The following ZNF536 variants were observed in gnomAD, a reference collection of about 807,000 sequenced individuals.
The protein encoded by ZNF536 is zinc finger protein 536.
In ZNF536, 13 loss-of-function variants were observed where a neutral mutation model predicts 84.5. That is an observed-to-expected ratio of 0.15 (90% CI 0.10 to 0.24). The LOEUF (loss-of-function observed/expected upper bound fraction) is 0.24. Among genes scored for constraint, ZNF536 ranks in the 10% least tolerant of loss-of-function variants. ZNF536 has a pLI of 1.00. For missense variants in ZNF536, 1,536 were observed against 1,747.5 expected, an observed-to-expected ratio of 0.88 and a Z score of 2.16; for synonymous variants, 811 against 742.5, an observed-to-expected ratio of 1.09 and a Z score of -1.50.
intron 2 of ZNF536, among the ~76,000 whole-genome samples, chr19:30,516,924 G>A (rs2145632897): frequency 6.6e-6 from 1 of 152,282 alleles, no homozygotes; most frequent in African/African-American, 2.4e-5. Context: ...GGGAAGGCCA[G>A]GTGTGGTGAC....
At chr19:30,349,999 GT>G (rs892178993) in intron 2 of ZNF536, among the ~76,000 whole-genome samples, 233 of 147,894 alleles carry the variant, frequency 1.6e-3, no homozygotes, top group African/African-American at 4.6e-3. Context: ...TCCGAAAGTT[GT>G]TTTTTTTTTC....
chr19:30,357,592 G>T (rs150224918), intron 3 of ZNF536, among the ~76,000 whole-genome samples: 2 of 152,300 alleles, frequency 1.3e-5, no homozygotes, highest in Non-Finnish European at 2.9e-5. Flanking sequence ...GGATGAGCTG[G>T]TGATTTGTCC....
chr19:30,515,801 A>G (rs1401288540), intron 2 of ZNF536, among the ~76,000 whole-genome samples: 12 of 152,060 alleles, frequency 7.9e-5, no homozygotes. Context: ...CAAGGTGCAC[A>G]GATCACCCGA....
intron 1 of ZNF536, among the ~76,000 whole-genome samples, chr19:30,413,244 C>A (rs559614740): frequency 3.0e-4 from 46 of 152,122 alleles, no homozygotes; most frequent in South Asian, 1.2e-3. Flanking sequence ...TTTTATGAAT[C>A]CCTTCTTACT....
chr19:30,629,828 A>T (rs1339884035), intron 1 of ZNF536, among the ~76,000 whole-genome samples: 3 of 152,232 alleles, frequency 2.0e-5, no homozygotes, highest in African/African-American at 7.2e-5. Flanking sequence ...GGAAATGCCA[A>T]GGGCAGGGGC....
chr19:30,668,324 G>T (rs2050411854), intron 1 of ZNF536, among the ~76,000 whole-genome samples: 1 of 152,114 alleles, frequency 6.6e-6, no homozygotes, highest in African/African-American at 2.4e-5. Flanking sequence ...GCTAGGACAG[G>T]TCCTGCATCC....
At chr19:30,571,341 G>A (rs1425200949) in intron 1 of ZNF536, among the ~76,000 whole-genome samples, 4 of 152,024 alleles carry the variant, frequency 2.6e-5, no homozygotes, top group Non-Finnish European at 5.9e-5. Context: ...AGGTCTGCTC[G>A]GGACTTCAGT....
exon 2 of ZNF536, chr19:30,711,741 C>T (rs760346346): frequency 6.6e-6 from 1 of 151,592 alleles, no homozygotes; most frequent in African/African-American, 2.4e-5. Context: ...AAATTGTTCT[C>T]GGTAGCCTTT....
chr19:30,508,646 G>C (rs899714315), intron 2 of ZNF536, among the ~76,000 whole-genome samples: 3 of 151,898 alleles, frequency 2.0e-5, no homozygotes, highest in Non-Finnish European at 2.9e-5. Context: ...AGAGCACCTA[G>C]GTGCCCTAGA....
exon 3 of ZNF536, chr19:30,352,372 C>A (rs1185122339): frequency 6.6e-6 from 1 of 152,228 alleles, no homozygotes; most frequent in African/African-American, 2.4e-5. Context: ...TGATAGGGAA[C>A]GGGGACGCCC....
At chr19:30,304,554 G>C (rs1356723946) in intron 2 of ZNF536, among the ~76,000 whole-genome samples, 1 of 152,160 alleles carries the variant, frequency 6.6e-6, no homozygotes, top group South Asian at 2.1e-4. Context: ...CCTCTGCGGG[G>C]GCCAACCACT....
intron 1 of ZNF536, among the ~76,000 whole-genome samples, chr19:30,585,038 A>C (rs1599884922): frequency 6.6e-6 from 1 of 151,000 alleles, no homozygotes; most frequent in Non-Finnish European, 1.5e-5. Flanking sequence ...CAAGTGTCTC[A>C]CTCTGTTGCC....
At chr19:30,400,632 G>A (rs1288018463) in intron 1 of ZNF536, among the ~76,000 whole-genome samples, 1 of 152,144 alleles carries the variant, frequency 6.6e-6, no homozygotes, top group Non-Finnish European at 1.5e-5. Flanking sequence ...TGCTGTCATA[G>A]CTCATTGCAG....
At chr19:30,580,188 A>T (rs1348940191) in intron 1 of ZNF536, among the ~76,000 whole-genome samples, 1 of 152,196 alleles carries the variant, frequency 6.6e-6, no homozygotes, top group Non-Finnish European at 1.5e-5. Context: ...CCCAATGGCC[A>T]ACATTGGGTC....
At chr19:30,381,822 C>T (rs114031584) in intron 1 of ZNF536, among the ~76,000 whole-genome samples, 171 of 152,244 alleles carry the variant, frequency 1.1e-3, no homozygotes, top group African/African-American at 4.0e-3. Flanking sequence ...TGGAGCTGAC[C>T]GGAGCGATCT....
At chr19:30,681,327 C>T (rs2147823280) in intron 1 of ZNF536, among the ~76,000 whole-genome samples, 1 of 152,278 alleles carries the variant, frequency 6.6e-6, no homozygotes, top group African/African-American at 2.4e-5. Context: ...AGGAGGTGTG[C>T]TAAGTTTGAG....
intron 2 of ZNF536, among the ~76,000 whole-genome samples, chr19:30,485,603 CTT>C (rs60352241): frequency 2.8e-5 from 4 of 141,300 alleles, no homozygotes; most frequent in Non-Finnish European, 4.7e-5. Context: ...TTTTTTTCTT[CTT>C]TTTTTTTTTG....
intron 1 of ZNF536, among the ~76,000 whole-genome samples, chr19:30,657,152 C>G (rs1038430560): frequency 1.3e-5 from 2 of 152,136 alleles, no homozygotes; most frequent in African/African-American, 4.8e-5. Flanking sequence ...GCCAGCTGGA[C>G]CCTCCAATCC....
At chr19:30,408,842 A>T (rs1390290870) in intron 1 of ZNF536, among the ~76,000 whole-genome samples, 1 of 147,184 alleles carries the variant, frequency 6.8e-6, no homozygotes, top group Non-Finnish European at 1.5e-5. Flanking sequence ...ATCCATCTAT[A>T]TATTCATCCA....
Sources: allele counts gnomAD v4.1 joint callset (sites outside exome capture counted in the v4.1 genomes callset), GRCh38; gene constraint gnomAD v4.1.1; transcripts MANE v1.5; gene names NCBI Gene and HGNC (gene_info 2026-07-23, HGNC 2026-07-21).